Variants in TMEM51 observed in about 807,000 individuals in gnomAD.
TMEM51 encodes chromosome 1 open reading frame 72.
In TMEM51, 8 loss-of-function variants were observed where a neutral mutation model predicts 13.6. The observed-to-expected ratio is 0.59, with a 90% CI of 0.35 to 1.07. The LOEUF (loss-of-function observed/expected upper bound fraction) is 1.07. Among genes scored for constraint, TMEM51 ranks in the 50% least tolerant of loss-of-function variants. TMEM51 has a pLI of 0.02. For synonymous variants in TMEM51, 147 were observed against 144.4 expected (o/e 1.02, Z -0.13); for missense variants, 279 against 330.7 (o/e 0.84, Z 1.21).
intron 2 of TMEM51, among the ~76,000 whole-genome samples, chr1:15,211,880 C>T (rs1193865643): frequency 7.8e-6 from 1 of 127,850 alleles, no homozygotes; most frequent in Non-Finnish European, 1.5e-5. Flanking sequence ...TACACTGTCT[C>T]TTTCATTTCA....
chr1:15,184,020 T>C (rs1008484468), intron 1 of TMEM51, among the ~76,000 whole-genome samples: 8 of 152,170 alleles, frequency 5.3e-5, no homozygotes, highest in African/African-American at 1.9e-4. Context: ...TTCTTTCCTT[T>C]CCTTCTTCTT....
At chr1:15,216,716 A>G (rs1414415299) in intron 3 of TMEM51, among the ~76,000 whole-genome samples, 1 of 152,222 alleles carries the variant, frequency 6.6e-6, no homozygotes, top group Non-Finnish European at 1.5e-5. Context: ...AAACAACCTA[A>G]AAAACCACCT....
At chr1:15,214,721 C>T (rs1028228082) in intron 2 of TMEM51, among the ~76,000 whole-genome samples, 174 bp from the exon 3 acceptor site, 2 of 152,218 alleles carry the variant, frequency 1.3e-5, no homozygotes, top group Non-Finnish European at 2.9e-5. Context: ...CTCGCAGCCT[C>T]GCACAAGGAG....
chr1:15,213,910 C>T (rs924551604), intron 2 of TMEM51, among the ~76,000 whole-genome samples: 10 of 151,776 alleles, frequency 6.6e-5, no homozygotes, highest in Middle Eastern at 3.2e-3. Flanking sequence ...GGCACAATCT[C>T]GGCTCACTGC....
chr1:15,213,848 C>CT (rs902338709), intron 2 of TMEM51, among the ~76,000 whole-genome samples: 3 of 150,106 alleles, frequency 2.0e-5, no homozygotes, highest in Admixed American at 6.7e-5. Context: ...ACTCTGCAAA[C>CT]TTTTTTTTTT....
At chr1:15,170,450 A>G (rs1327476806) in intron 1 of TMEM51, among the ~76,000 whole-genome samples, 1 of 151,110 alleles carries the variant, frequency 6.6e-6, no homozygotes, top group Non-Finnish European at 1.5e-5. Context: ...CTGGGATTAC[A>G]GGTGCGCACC....
intron 1 of TMEM51, among the ~76,000 whole-genome samples, chr1:15,182,823 C>T (rs965048671): frequency 2.0e-4 from 31 of 152,138 alleles, no homozygotes; most frequent in African/African-American, 7.0e-4. Context: ...AGTGCAGTGG[C>T]GTGATCTCAT....
intron 1 of TMEM51, among the ~76,000 whole-genome samples, chr1:15,194,882 A>G (rs1644014864): frequency 6.7e-6 from 1 of 150,210 alleles, no homozygotes; most frequent in Non-Finnish European, 1.5e-5. Context: ...ACACTATCCA[A>G]TGGAAAGAGA....
chr1:15,182,632 T>C (rs1643656640), intron 1 of TMEM51, among the ~76,000 whole-genome samples: 1 of 152,076 alleles, frequency 6.6e-6, no homozygotes, highest in Non-Finnish European at 1.5e-5. Flanking sequence ...CCTTAGGCAG[T>C]TGGGAGCAAG....
intron 1 of TMEM51, among the ~76,000 whole-genome samples, chr1:15,205,216 T>G (rs1415755677): frequency 6.6e-6 from 1 of 152,216 alleles, no homozygotes; most frequent in East Asian, 1.9e-4. Context: ...GTCTTCAAGA[T>G]GAACTTGTCT....
In TMEM51 at chr1:15,219,938, GC is replaced by G; in HGVS notation, c.*196del. The G allele has an allele frequency of 1.6e-6, 1 of 619,974 alleles. No individual in the cohort carries two copies. Among genetic ancestry groups the G allele is most frequent in the Non-Finnish European group, 2.8e-6 (1 of 361,456 alleles). The allele number at this position is 619,974 out of a possible 1,614,324, so 38.4% of individuals were successfully genotyped here. On this transcript the variant is annotated 3_prime_UTR_variant, in exon 4 of 4. Transcript: ENST00000376008. ...CCCCACACAGCCTCCTGCTGCAGGT[GC>G]TTTGGAAAGAGATGCTGCCTTGGAG...
chr1:15,208,541 G>A (rs1225094838), intron 1 of TMEM51, among the ~76,000 whole-genome samples: 1 of 152,144 alleles, frequency 6.6e-6, no homozygotes, highest in Non-Finnish European at 1.5e-5. Flanking sequence ...TGAGGCGGGA[G>A]GATCACTTGA....
chr1:15,164,277 G>A, intron 1 of TMEM51: 1 of 440,472 alleles, frequency 2.3e-6, no homozygotes, highest in East Asian at 7.1e-5. Context: ...ATGCCACATT[G>A]CATTTGGTCA....
At chr1:15,179,722 C>T (rs1643557692) in intron 1 of TMEM51, among the ~76,000 whole-genome samples, 1 of 152,156 alleles carries the variant, frequency 6.6e-6, no homozygotes, top group Non-Finnish European at 1.5e-5. Flanking sequence ...GTTGAAGCTG[C>T]AGTGAGCCAA....
At chr1:15,214,402 A>G (rs115467520) in intron 2 of TMEM51, among the ~76,000 whole-genome samples, 1,526 of 152,140 alleles carry the variant, frequency 0.01, 32 homozygotes, top group African/African-American at 0.035. Flanking sequence ...AAGAAGCTGG[A>G]TTTTCTCCTG....
intron 1 of TMEM51, among the ~76,000 whole-genome samples, chr1:15,181,599 C>T (rs953919850): frequency 6.6e-6 from 1 of 152,170 alleles, no homozygotes; most frequent in Non-Finnish European, 1.5e-5. Flanking sequence ...TCTAAGTAAA[C>T]GATGAGCTTC....
At chr1:15,212,804 A>G (rs527556842) in intron 2 of TMEM51, among the ~76,000 whole-genome samples, 1 of 152,330 alleles carries the variant, frequency 6.6e-6, no homozygotes, top group Non-Finnish European at 1.5e-5. Flanking sequence ...ACCTGTTCAT[A>G]TTCCATACAT....
Position 15,199,135 on chromosome 1 carries a change from C to CTT in TMEM51, c.-266-11343_-266-11342dup, listed in dbSNP as rs34449224. On this transcript the variant is annotated intron_variant, in intron 1 of 3. Coordinates refer to ENST00000376008, the MANE Select transcript of TMEM51 (RefSeq NM_001136218.2). ...TGTGTCTTTTTTTAGTTCACGGAGA[C>CTT]TTTTTTTTTTTTTGGAGACGAAGTT... Among the ~76,000 whole-genome samples the CTT allele has an allele frequency of 2.5e-3, 361 of 145,196 alleles. 2 individuals carry two copies. Among genetic ancestry groups the CTT allele is most frequent in the African/African-American group, 7.5e-3 (296 of 39,520 alleles).
intron 1 of TMEM51, among the ~76,000 whole-genome samples, chr1:15,174,801 C>T (rs1316741530): frequency 6.6e-6 from 1 of 152,176 alleles, no homozygotes; most frequent in African/African-American, 2.4e-5. Flanking sequence ...ACTGTGCCCT[C>T]ACATGAACTT....
Sources: gnomAD v4.1 joint callset for allele counts (sites outside exome capture counted in the v4.1 genomes callset) on GRCh38, gnomAD v4.1.1 for gene constraint, MANE v1.5 for transcripts, NCBI Gene and HGNC (gene_info 2026-07-23, HGNC 2026-07-21) for gene names.